EFCAB6: variants seen among roughly 807,000 people sequenced by gnomAD.
EFCAB6 encodes the protein EF-hand calcium binding domain 6.
EFCAB6 carries 156 observed loss-of-function variants against 169.8 expected under a neutral mutation model. The ratio of observed to expected loss-of-function variants is 0.92; its 90% CI spans 0.81 to 1.05. The LOEUF (loss-of-function observed/expected upper bound fraction) is 1.05. EFCAB6 is among the 50% of genes least tolerant of loss of function. The pLI, the probability that EFCAB6 is intolerant of heterozygous loss-of-function variation, is 0.00. For missense variants in EFCAB6, 1,800 were observed against 1,829.1 expected (o/e 0.98, Z 0.29); for synonymous variants, 698 against 676.4 (o/e 1.03, Z -0.50).
rs201115241 is a variant in EFCAB6, at chr22:43,782,234, G to T, written c.85C>A (p.Pro29Thr). 2 of 1,613,982 alleles carry T rather than the reference G, an allele frequency of 1.2e-6. No individual in the cohort carries two copies. The highest frequency in any genetic ancestry group is 8.5e-7 in the Non-Finnish European group (1 of 1,179,894). Residue 29 changes from proline (P) to threonine (T), a missense_variant, in exon 3 of 32, where the codon CCG becomes ACG. By Grantham distance (38) the Pro-to-Thr change is conservative. Coordinates refer to ENST00000262726, the MANE Select transcript of EFCAB6 (RefSeq NM_022785.4). ...CCATTCCTTGAATATACTCTACACGGTGAAGAATGGGGTCTTGAATGTGTA... is the reference window on the plus strand; with the variant it reads ...CCATTCCTTGAATATACTCTACACGTTGAAGAATGGGGTCTTGAATGTGTA... ...KFTHSRPHSS[P>T]CRVYSRNGSP...
At chr22:43,581,021 A>T (rs1319995428) in intron 24 of EFCAB6, among the ~76,000 whole-genome samples, 1 of 152,142 alleles carries the variant, frequency 6.6e-6, no homozygotes, top group Non-Finnish European at 1.5e-5. Context: ...GGGGCACGTG[A>T]AAGTATGTTG....
chr22:43,531,824 C>A (rs2047084709), intron 30 of EFCAB6, among the ~76,000 whole-genome samples: 1 of 152,194 alleles, frequency 6.6e-6, no homozygotes, highest in Non-Finnish European at 1.5e-5. Flanking sequence ...CATCACAGGG[C>A]AGGACCACCA....
intron 1 of EFCAB6, among the ~76,000 whole-genome samples, chr22:43,810,604 C>A (rs2063077871): frequency 6.6e-6 from 1 of 152,160 alleles, no homozygotes; most frequent in Non-Finnish European, 1.5e-5. Context: ...TGCCAGTCAG[C>A]TGCAGAGATC....
intron 2 of EFCAB6, among the ~76,000 whole-genome samples, chr22:43,807,005 C>T (rs188747189): frequency 1.5e-4 from 23 of 152,282 alleles, no homozygotes; most frequent in African/African-American, 5.3e-4. Context: ...TCCTCTAGTC[C>T]TACCTCAATT....
rs1439961850 is a variant in EFCAB6, at chr22:43,628,295, A to T, written c.2233-1616T>A. Among the ~76,000 whole-genome samples the T allele has an allele frequency of 6.6e-6, 1 of 151,576 alleles. No individual in the cohort carries two copies. Among genetic ancestry groups the T allele is most frequent in the African/African-American group, 2.4e-5 (1 of 41,200 alleles). On this transcript the variant is annotated intron_variant, in intron 19 of 31. Transcript: ENST00000262726. This position sits in a 1 kb window ranked among gnomAD's most constrained non-coding sequence, Gnocchi z 4.8. ...CTTCTGAGCCCTCGCTTCCTCTCACACCCACATCCAGTCTGCCCACACATC... is the reference window on the plus strand; with the variant it reads ...CTTCTGAGCCCTCGCTTCCTCTCACTCCCACATCCAGTCTGCCCACACATC...
At chr22:43,694,439 C>T (rs958256490) in intron 10 of EFCAB6, among the ~76,000 whole-genome samples, 1 of 151,948 alleles carries the variant, frequency 6.6e-6, no homozygotes, top group Non-Finnish European at 1.5e-5. Flanking sequence ...GGAAACATTT[C>T]CCAACACATG....
chr22:43,706,274 C>T (rs910106698), intron 10 of EFCAB6, among the ~76,000 whole-genome samples: 2 of 152,208 alleles, frequency 1.3e-5, no homozygotes, highest in Admixed American at 1.3e-4. Flanking sequence ...AGGCTCCTCC[C>T]ACAGTTCTTC....
At chr22:43,730,458 A>G (rs932716064) in intron 8 of EFCAB6, among the ~76,000 whole-genome samples, 1 of 151,576 alleles carries the variant, frequency 6.6e-6, no homozygotes, top group Admixed American at 6.6e-5. Context: ...TGACCTGTGG[A>G]CATTATATCC....
chr22:43,534,978 G>C (rs1442957777), intron 29 of EFCAB6, 106 bp from the exon 30 acceptor site: 1 of 1,254,426 alleles, frequency 8.0e-7, no homozygotes, highest in Non-Finnish European at 1.1e-6. Flanking sequence ...TCAGGCCCTG[G>C]CTTGGTCCTC....
chr22:43,590,536 T>C (rs2051415182), intron 23 of EFCAB6, among the ~76,000 whole-genome samples: 1 of 152,096 alleles, frequency 6.6e-6, no homozygotes, highest in African/African-American at 2.4e-5. Context: ...AAGCCAGTGG[T>C]TTTACATATA....
At position 43,773,009 on chromosome 22, in the gene EFCAB6, G is replaced by T; in HGVS notation, c.234C>A (p.Ala78=). 6.2e-7 allele frequency: 1 copy of T among 1,614,160 alleles called. No individual in the cohort carries two copies. The highest frequency in any genetic ancestry group is 1.6e-4 in the Middle Eastern group (1 of 6,062). The change falls in exon 4 of 32, where the codon GCC becomes GCA. Residue 78 remains alanine, a synonymous_variant. Coordinates refer to ENST00000262726, the MANE Select transcript of EFCAB6 (RefSeq NM_022785.4). ...TCTGACCAGTATCCAGCAGCTGAAA[G>T]GCTTTTTGCAACTCATCCCCTCTGT... ...ITDRGDELQK[A]FQLLDTGQNL...
intron 23 of EFCAB6, among the ~76,000 whole-genome samples, chr22:43,599,084 G>A (rs186865022): frequency 4.7e-4 from 72 of 152,254 alleles, no homozygotes; most frequent in African/African-American, 1.6e-3. Flanking sequence ...TACACATACT[G>A]CCCAAAACGT....
chr22:43,535,227 C>A, intron 29 of EFCAB6: 1 of 198,390 alleles, frequency 5.0e-6, no homozygotes, highest in East Asian at 1.4e-4. Flanking sequence ...GGAAGGTTCC[C>A]TGAGCTCATA....
At position 43,590,158 on chromosome 22, in the gene EFCAB6, T is replaced by A; in HGVS notation, c.2948A>T (p.Tyr983Phe). The A allele has an allele frequency of 6.2e-7, 1 of 1,614,202 alleles. No individual in the cohort carries two copies. Among genetic ancestry groups the A allele is most frequent in the South Asian group, 1.1e-5 (1 of 91,078 alleles). ...FTKTDQSKTN[Y>F]ISICKMQEVL... ...TTCCTGCATCTTGCATATGGATATG[T>A]AGTTGGTTTTGGATTGATCAGTTTT... The change falls in exon 24 of 32, where the codon TAC becomes TTC. Residue 983 changes from tyrosine to phenylalanine, a missense_variant. By Grantham distance (22) the Tyr-to-Phe change is conservative (BLOSUM62 3). Transcript: ENST00000262726.
chr22:43,765,221 T>G (rs906752494), intron 5 of EFCAB6, 84 bp downstream of exon 5: 4 of 990,720 alleles, frequency 4.0e-6, no homozygotes, highest in Non-Finnish European at 4.7e-6. Context: ...GCTGTTGATA[T>G]GATTAGTTCC....
intron 27 of EFCAB6, among the ~76,000 whole-genome samples, chr22:43,545,040 AG>A (rs2047971275): frequency 6.6e-6 from 1 of 152,146 alleles, no homozygotes; most frequent in Non-Finnish European, 1.5e-5. Context: ...CCAGATACTC[AG>A]GAGGCTGAGG....
intron 17 of EFCAB6, among the ~76,000 whole-genome samples, chr22:43,653,180 T>C (rs190633022): frequency 1.4e-4 from 21 of 152,244 alleles, no homozygotes; most frequent in Middle Eastern, 6.8e-3. Context: ...TGAGAATTTG[T>C]CACAACTGAT....
chr22:43,805,671 T>C (rs561864537), intron 2 of EFCAB6, among the ~76,000 whole-genome samples: 3 of 152,172 alleles, frequency 2.0e-5, no homozygotes, highest in Non-Finnish European at 4.4e-5. Context: ...CAATAACCTA[T>C]TGTACATTTC....
At chr22:43,636,820 C>T (rs1318524843) in intron 17 of EFCAB6, among the ~76,000 whole-genome samples, 2 of 151,912 alleles carry the variant, frequency 1.3e-5, no homozygotes, top group Non-Finnish European at 2.9e-5. Flanking sequence ...CCATGTTAGC[C>T]AGGATGGTCT....
Sources: allele counts gnomAD v4.1 joint callset (sites outside exome capture counted in the v4.1 genomes callset), GRCh38; gene constraint gnomAD v4.1.1; non-coding constraint Gnocchi (gnomAD v3.1); transcripts MANE v1.5; gene names NCBI Gene and HGNC (gene_info 2026-07-23, HGNC 2026-07-21).